Variants in RACGAP1 observed in about 807,000 individuals in gnomAD.
RACGAP1 encodes the protein Rac GTPase activating protein 1.
RACGAP1 carries 30 observed loss-of-function variants against 78.1 expected under a neutral mutation model. The observed-to-expected ratio is 0.38, with a 90% CI of 0.29 to 0.52. RACGAP1 has a LOEUF of 0.52. RACGAP1 is among the 20% of genes least tolerant of loss of function. The pLI, the probability that RACGAP1 is intolerant of heterozygous loss-of-function variation, is 0.82. For synonymous variants in RACGAP1, 231 were observed against 264.8 expected, an observed-to-expected ratio of 0.87 and a Z score of 1.24; for missense variants, 587 against 777.1, an observed-to-expected ratio of 0.76 and a Z score of 2.91.
intron 2 of RACGAP1, among the ~76,000 whole-genome samples, chr12:50,016,286 G>C (rs1403564852): frequency 6.6e-6 from 1 of 152,138 alleles, no homozygotes; most frequent in Non-Finnish European, 1.5e-5. Context: ...GAGAGGCTGA[G>C]ACAAGGAATC....
intron 2 of RACGAP1, among the ~76,000 whole-genome samples, chr12:50,009,823 A>T (rs1334642058): frequency 1.3e-5 from 2 of 152,220 alleles, no homozygotes; most frequent in Non-Finnish European, 2.9e-5. Flanking sequence ...TATGCACTCC[A>T]AATGGAATGC....
intron 1 of RACGAP1, chr12:50,018,448 C>A (rs892665773): frequency 1.0e-6 from 1 of 960,648 alleles, no homozygotes; most frequent in East Asian, 6.3e-5. Flanking sequence ...GCATTAAAAC[C>A]GGCAGGAAGA....
intron 6 of RACGAP1, among the ~76,000 whole-genome samples, 175 bp downstream of exon 6, chr12:50,002,072 G>GAA (rs79466036): frequency 1.3e-3 from 113 of 87,220 alleles, no homozygotes; most frequent in African/African-American, 4.0e-3. Flanking sequence ...TCAAAAAAAA[G>GAA]AAAAAAAAAA....
At chr12:49,997,272 CTTT>C (rs540814831) in intron 9 of RACGAP1, 68 bp from the exon 10 acceptor site, 7,371 of 1,140,608 alleles carry the variant, frequency 6.5e-3, no homozygotes, top group African/African-American at 0.028. Flanking sequence ...AATCAACTAA[CTTT>C]TTTTTTTTTT....
At chr12:50,008,169 GAAAAAAAAA>G (rs71441313) in intron 2 of RACGAP1, among the ~76,000 whole-genome samples, 2,709 of 60,708 alleles carry the variant, frequency 0.045, 37 homozygotes, top group Non-Finnish European at 0.057. Flanking sequence ...TGAGAAATGT[GAAAAAAAAA>G]AAAAAAAAAA....
chr12:50,031,466 A>G (rs1438581758), intron 2 of RACGAP1, among the ~76,000 whole-genome samples: 1 of 135,152 alleles, frequency 7.4e-6, no homozygotes. Context: ...GCAACAGAGC[A>G]AGACTCCATC....
At chr12:49,998,857 C>T (rs1315995211) in intron 9 of RACGAP1, among the ~76,000 whole-genome samples, 8 of 151,830 alleles carry the variant, frequency 5.3e-5, no homozygotes, top group Non-Finnish European at 8.8e-5. Flanking sequence ...ATGATTACAC[C>T]CCTGCACTCC....
At chr12:50,002,412 G>A (rs909008995) in intron 5 of RACGAP1, 112 bp from the exon 6 acceptor site, 7 of 803,850 alleles carry the variant, frequency 8.7e-6, no homozygotes, top group South Asian at 5.7e-5. Context: ...GCTACCTAAC[G>A]TACAATTCGG....
At chr12:50,032,099 T>G (rs1451399976) in intron 1 of RACGAP1, among the ~76,000 whole-genome samples, 1 of 152,076 alleles carries the variant, frequency 6.6e-6, no homozygotes, top group Non-Finnish European at 1.5e-5. Flanking sequence ...TGAGCCAAGA[T>G]TGTGTCACAG....
In RACGAP1 at chr12:49,990,072, G is replaced by A. The variant is rs1947730017; in HGVS notation, c.*196C>T. The A allele has an allele frequency of 2.1e-6, 1 of 473,928 alleles. No homozygotes were observed. The highest frequency in any genetic ancestry group is 3.8e-6 in the Non-Finnish European group (1 of 264,460). 29.4% of individuals were successfully genotyped at this position (473,928 alleles called of 1,614,324 possible). A position where few individuals can be genotyped will look rare whatever the true frequency, so the allele number is the denominator to read the frequency against. On this transcript the variant is annotated 3_prime_UTR_variant, in exon 17 of 17. Transcript: ENST00000312377. ...CTCCCAACAATGACCAGCACAAAGT[G>A]CTGATATTATGTGACTTGAGGAGAA...
At chr12:50,012,130 A>G (rs1358241325) in intron 2 of RACGAP1, among the ~76,000 whole-genome samples, 1 of 151,992 alleles carries the variant, frequency 6.6e-6, no homozygotes, top group East Asian at 1.9e-4. Flanking sequence ...CTTGTCTCCA[A>G]AAAAATAAAA....
intron 1 of RACGAP1, among the ~76,000 whole-genome samples, chr12:50,024,556 A>G (rs1472234338): frequency 2.6e-5 from 4 of 152,148 alleles, no homozygotes; most frequent in African/African-American, 9.7e-5. Context: ...ATTGGGTACA[A>G]TGTTCACTAT....
At position 50,015,663 on chromosome 12, in the gene RACGAP1, G is replaced by A. The variant is rs371465280; in HGVS notation, c.85+968C>T. Among the ~76,000 whole-genome samples, 80 of 152,064 alleles carry A rather than the reference G, an allele frequency of 5.3e-4. 1 individual carries two copies. The South Asian group carries it at 0.013, about 25-fold the overall frequency. ...GAAAATACAAAAAAATTAGCCGGAC[G>A]TGGTGGCGGGCGCCTGTAGTCCCAG... On this transcript the variant is annotated intron_variant, in intron 2 of 16. Transcript: ENST00000312377.
Position 49,994,167 on chromosome 12 carries a change from T to A in RACGAP1, c.1303A>T (p.Thr435Ser). ...FLRNLKEPLL[T>S]FRLNRAFMEA... ...ATAAAGGCTCTGTTAAGGCGAAAGG[T>A]CAGAAGAGGTTCTTTGAGGTTTCGA... Residue 435 changes from threonine (T) to serine (S), a missense_variant, in exon 12 of 17, where the codon ACC becomes TCC. Coordinates refer to ENST00000312377, the MANE Select transcript of RACGAP1 (RefSeq NM_001319999.2). The A allele has an allele frequency of 9.3e-6, 15 of 1,613,372 alleles. No individual in the cohort carries two copies. The highest frequency in any genetic ancestry group is 1.3e-5 in the Non-Finnish European group (15 of 1,179,972).
chr12:50,007,804 C>T (rs1396927296), intron 2 of RACGAP1, among the ~76,000 whole-genome samples: 1 of 151,784 alleles, frequency 6.6e-6, no homozygotes, highest in African/African-American at 2.4e-5. Context: ...ACCTAGTTAT[C>T]TTAAACAATG....
chr12:50,004,404 A>C, intron 4 of RACGAP1, 100 bp from the exon 5 acceptor site: 1 of 1,446,314 alleles, frequency 6.9e-7, no homozygotes, highest in Non-Finnish European at 9.2e-7. Flanking sequence ...AACATCAGTT[A>C]ATTTCATAGC....
Position 49,990,353 on chromosome 12 carries a change from A to C in RACGAP1, c.1824-10T>G, listed in dbSNP as rs377465905. ...GCTTTTGCTCCCAAATCTACAATAA[A>C]AAGAGAATGAACTGGAAAAATATTC... On this transcript the variant is annotated splice_polypyrimidine_tract_variant and intron_variant, in intron 16 of 16. Transcript: ENST00000312377. The C allele has an allele frequency of 3.0e-4, 489 of 1,603,440 alleles. No homozygotes were observed. Among genetic ancestry groups the C allele is most frequent in the Non-Finnish European group, 3.9e-4 (455 of 1,170,438 alleles).
At position 49,992,157 on chromosome 12, in the gene RACGAP1, C is replaced by G. The variant is rs754972883; in HGVS notation, c.1579-24G>C. The stretch of plus-strand genomic sequence containing the variant: ...ACCTAAAAGCCAGCAAATCTGTTAG[C>G]AAACTTCCAAAGCTCAGGGCTTCTC... On this transcript the variant is annotated intron_variant, in intron 14 of 16. Transcript: ENST00000312377. 8 of 1,612,648 alleles carry G rather than the reference C, an allele frequency of 5.0e-6. No individual in the cohort carries two copies. The South Asian group carries it at 7.7e-5, about 16-fold the overall frequency.
intron 15 of RACGAP1, among the ~76,000 whole-genome samples, chr12:49,991,677 T>A (rs2944442): frequency 6.6e-6 from 1 of 150,396 alleles, no homozygotes. Flanking sequence ...TTAGTAGAGA[T>A]GGGGTTTCAC....
Sources: gnomAD v4.1 joint callset for allele counts (sites outside exome capture counted in the v4.1 genomes callset) on GRCh38, gnomAD v4.1.1 for gene constraint, MANE v1.5 for transcripts, NCBI Gene and HGNC (gene_info 2026-07-23, HGNC 2026-07-21) for gene names.